SUFU: variants seen among roughly 807,000 people sequenced by gnomAD.
SUFU encodes suppressor of fused homolog.
A neutral mutation model predicts 58.9 loss-of-function variants in SUFU; 7 were observed. The observed-to-expected ratio is 0.12, with a 90% CI of 0.07 to 0.22. The LOEUF is 0.22. Among genes scored for constraint, SUFU ranks in the 10% least tolerant of loss-of-function variants. The pLI is 1.00. For synonymous variants in SUFU, 232 were observed against 254.8 expected (o/e 0.91, Z 0.85); for missense variants, 451 against 641.3 (o/e 0.70, Z 3.20).
chr10:102,604,811 C>G (rs1490001341), intron 8 of SUFU, among the ~76,000 whole-genome samples: 1 of 151,992 alleles, frequency 6.6e-6, no homozygotes, highest in South Asian at 2.1e-4. Context: ...ATCCCCTAAC[C>G]TTGATGCAGA....
chr10:102,537,557 C>A (rs1042935771), intron 2 of SUFU, among the ~76,000 whole-genome samples: 1 of 152,138 alleles, frequency 6.6e-6, no homozygotes, highest in South Asian at 2.1e-4. Context: ...CAATAACTCC[C>A]CCTTCTCACT....
intron 2 of SUFU, among the ~76,000 whole-genome samples, chr10:102,540,852 T>C (rs1239447106): frequency 6.6e-6 from 1 of 151,488 alleles, no homozygotes; most frequent in African/African-American, 2.4e-5. Context: ...TGAAACCCTG[T>C]CTCTACTAAA....
chr10:102,506,066 A>G (rs954971340), intron 1 of SUFU, among the ~76,000 whole-genome samples: 11 of 140,110 alleles, frequency 7.9e-5, no homozygotes, highest in African/African-American at 2.9e-4. Context: ...AAAAAAAAAA[A>G]GAAGTGGGCC....
chr10:102,604,466 A>G (rs74854733), intron 8 of SUFU, among the ~76,000 whole-genome samples: 7,805 of 152,330 alleles, frequency 0.051, 278 homozygotes, highest in East Asian at 0.095. Context: ...CCTCAACTTC[A>G]GAATTCCTTG....
chr10:102,622,991 C>CAAAAAA (rs60442672), intron 10 of SUFU, among the ~76,000 whole-genome samples: 3 of 58,374 alleles, frequency 5.1e-5, no homozygotes, highest in African/African-American at 6.6e-5. Flanking sequence ...AACTCCGTCT[C>CAAAAAA]AAAAAAAAAA....
chr10:102,593,522 A>C, intron 4 of SUFU, 114 bp from the exon 5 acceptor site: 1 of 1,044,264 alleles, frequency 9.6e-7, no homozygotes, highest in Admixed American at 1.7e-5. Context: ...TCCTGAGCAC[A>C]GATCCTGCCT....
intron 3 of SUFU, among the ~76,000 whole-genome samples, chr10:102,552,388 G>C (rs1037447605): frequency 2.0e-5 from 3 of 151,890 alleles, no homozygotes; most frequent in African/African-American, 4.8e-5. Context: ...AGCCATGATT[G>C]TGCCACCACA....
chr10:102,574,862 C>A (rs1336816762), intron 3 of SUFU, among the ~76,000 whole-genome samples: 3 of 152,122 alleles, frequency 2.0e-5, no homozygotes, highest in Middle Eastern at 6.3e-3. Flanking sequence ...CAAGACCAGC[C>A]TAGCCAATAT....
At chr10:102,576,052 T>C (rs1211775785) in intron 3 of SUFU, among the ~76,000 whole-genome samples, 1 of 151,200 alleles carries the variant, frequency 6.6e-6, no homozygotes, top group Admixed American at 6.6e-5. Flanking sequence ...TGGTATGTTG[T>C]CCAGGCTGGT....
At chr10:102,561,667 CTTT>C (rs34738568) in intron 3 of SUFU, among the ~76,000 whole-genome samples, 8 of 110,562 alleles carry the variant, frequency 7.2e-5, no homozygotes, top group African/African-American at 1.4e-4. Context: ...GACCAGCAAG[CTTT>C]TTTTTTTTTT....
intron 9 of SUFU, among the ~76,000 whole-genome samples, chr10:102,616,258 A>G (rs1590083224): frequency 6.6e-6 from 1 of 152,308 alleles, no homozygotes; most frequent in East Asian, 1.9e-4. Context: ...TGCATCTGCT[A>G]CAGCTGGCTA....
chr10:102,521,044 C>T (rs1346533708), intron 2 of SUFU, among the ~76,000 whole-genome samples: 2 of 152,160 alleles, frequency 1.3e-5, no homozygotes, highest in Non-Finnish European at 2.9e-5. Flanking sequence ...TGAGAAGCTG[C>T]CAAACCATTT....
intron 2 of SUFU, among the ~76,000 whole-genome samples, chr10:102,527,749 A>G (rs1480887670): frequency 6.6e-6 from 1 of 151,144 alleles, no homozygotes; most frequent in Non-Finnish European, 1.5e-5. Context: ...GCCCTTGGGG[A>G]ACTGAAATGC....
chr10:102,603,560 C>T (rs1464148590), intron 8 of SUFU, among the ~76,000 whole-genome samples: 1 of 152,168 alleles, frequency 6.6e-6, no homozygotes, highest in African/African-American at 2.4e-5. Context: ...CTCTAAAAAG[C>T]GAACTCACCA....
intron 2 of SUFU, among the ~76,000 whole-genome samples, chr10:102,539,744 A>G (rs1456093755): frequency 6.6e-6 from 1 of 152,200 alleles, no homozygotes; most frequent in Admixed American, 6.5e-5. Context: ...ATATCAATGT[A>G]TTAGGGCTCT....
At chr10:102,569,878 A>G (rs1021436119) in intron 3 of SUFU, among the ~76,000 whole-genome samples, 14 of 152,238 alleles carry the variant, frequency 9.2e-5, no homozygotes, top group Admixed American at 6.5e-4. Context: ...AATGACTATA[A>G]AAGTGAGGTA....
chr10:102,620,646 A>G (rs958668416), intron 10 of SUFU, among the ~76,000 whole-genome samples: 1 of 152,176 alleles, frequency 6.6e-6, no homozygotes, highest in East Asian at 1.9e-4. Flanking sequence ...TTATCAGCCA[A>G]TTCCGGGGCT....
chr10:102,593,928 C>A, intron 5 of SUFU, 65 bp from the exon 6 acceptor site: 1 of 1,581,034 alleles, frequency 6.3e-7, no homozygotes, highest in Non-Finnish European at 8.7e-7. Context: ...ACAGGGCAGG[C>A]TGTAGGCCCA....
At chr10:102,570,576 C>A (rs2063150160) in intron 3 of SUFU, among the ~76,000 whole-genome samples, 2 of 151,408 alleles carry the variant, frequency 1.3e-5, no homozygotes, top group Admixed American at 1.3e-4. Context: ...TTTTTGTGAC[C>A]CCTTCTTCTG....
Sources: gnomAD v4.1 joint callset for allele counts (sites outside exome capture counted in the v4.1 genomes callset) on GRCh38, gnomAD v4.1.1 for gene constraint, MANE v1.5 for transcripts, NCBI Gene and HGNC (gene_info 2026-07-23, HGNC 2026-07-21) for gene names.